CNTN3: variants seen among roughly 807,000 people sequenced by gnomAD.
The protein encoded by CNTN3 is contactin 3.
A neutral mutation model predicts 119.1 loss-of-function variants in CNTN3; 60 were observed. The observed-to-expected ratio is 0.50, with a 90% confidence interval of 0.41 to 0.62. The LOEUF (loss-of-function observed/expected upper bound fraction) is 0.62. Among genes scored for constraint, CNTN3 ranks in the 20% least tolerant of loss-of-function variants. The probability of loss-of-function intolerance (pLI) is 0.00; values close to 1 mark genes in which losing one functional copy is unlikely to be tolerated. For synonymous variants in CNTN3, 450 were observed against 438.7 expected, an observed-to-expected ratio of 1.03 and a Z score of -0.32; for missense variants, 1,101 against 1,242.4, an observed-to-expected ratio of 0.89 and a Z score of 1.71.
At chr3:74,488,778 A>G (rs1284328573) in intron 3 of CNTN3, among the ~76,000 whole-genome samples, 3 of 152,222 alleles carry the variant, frequency 2.0e-5, no homozygotes, top group African/African-American at 7.2e-5. Flanking sequence ...AATAAACTGG[A>G]GGTTCCATTC....
At chr3:74,484,647 A>C (rs964366361) in intron 4 of CNTN3, among the ~76,000 whole-genome samples, 3 of 152,156 alleles carry the variant, frequency 2.0e-5, no homozygotes, top group Non-Finnish European at 4.4e-5. Flanking sequence ...TTAAACTAGA[A>C]AGATGAAGAA....
intron 1 of CNTN3, among the ~76,000 whole-genome samples, chr3:74,594,466 C>A (rs1559672364): frequency 1.3e-5 from 2 of 151,712 alleles, no homozygotes; most frequent in Non-Finnish European, 2.9e-5. Flanking sequence ...ACAACACTCC[C>A]CAGAGTGTGA....
chr3:74,363,941 G>A (rs1704131873), intron 10 of CNTN3, among the ~76,000 whole-genome samples: 1 of 151,976 alleles, frequency 6.6e-6, no homozygotes, highest in Admixed American at 6.6e-5. Context: ...CTTTAAACAT[G>A]ATAGAACATC....
chr3:74,299,527 C>A (rs116697529), intron 17 of CNTN3, among the ~76,000 whole-genome samples: 1 of 152,240 alleles, frequency 6.6e-6, no homozygotes, highest in East Asian at 1.9e-4. Context: ...AACCAGGTGA[C>A]CCTGAGCAAA....
intron 5 of CNTN3, among the ~76,000 whole-genome samples, chr3:74,395,751 A>G (rs961860669): frequency 6.6e-6 from 1 of 152,094 alleles, no homozygotes; most frequent in Non-Finnish European, 1.5e-5. Context: ...TGTGCTTTGC[A>G]GATATTGTGT....
chr3:74,457,495 T>C (rs1007508635), intron 4 of CNTN3, among the ~76,000 whole-genome samples: 1 of 151,968 alleles, frequency 6.6e-6, no homozygotes, highest in Non-Finnish European at 1.5e-5. Context: ...CTCAGCCAGG[T>C]TGAACAAGAG....
chr3:74,595,253 C>T (rs1374048306), intron 1 of CNTN3, among the ~76,000 whole-genome samples: 4 of 151,554 alleles, frequency 2.6e-5, no homozygotes, highest in Non-Finnish European at 5.9e-5. Context: ...TGCCTGTTCA[C>T]TCTGATGGTA....
At chr3:74,507,421 G>GA (rs67370797) in intron 2 of CNTN3, among the ~76,000 whole-genome samples, 132,027 of 139,192 alleles carry the variant, frequency 0.95, 62,677 homozygotes, top group East Asian at 0.99. Flanking sequence ...CCATCTCTAA[G>GA]AAAAAAAAAA....
At chr3:74,462,948 C>A (rs1247813831) in intron 4 of CNTN3, among the ~76,000 whole-genome samples, 1 of 152,144 alleles carries the variant, frequency 6.6e-6, no homozygotes, top group African/African-American at 2.4e-5. Flanking sequence ...TGTGCTTCCA[C>A]AATTTCTTCA....
intron 5 of CNTN3, among the ~76,000 whole-genome samples, chr3:74,407,435 ATTTT>A (rs372596619): frequency 1.5e-5 from 2 of 136,492 alleles, no homozygotes; most frequent in African/African-American, 5.5e-5. Context: ...CGCCTGGCTA[ATTTT>A]TTTTTTTTTT....
chr3:74,276,145 A>G (rs138471843), intron 20 of CNTN3, among the ~76,000 whole-genome samples: 4,324 of 152,232 alleles, frequency 0.028, 207 homozygotes, highest in African/African-American at 0.099. Context: ...AATTTATAAA[A>G]CAATTATTAA....
rs181555002 is a variant in CNTN3 at position 74,435,967 on chromosome 3, G to A, written c.359-11027C>T. ...GTTTTCTTTATAAAACACACTCTCAGTTTCTAACACCTGCTAAAACGCCTA... is the reference window on the plus strand; with the variant it reads ...GTTTTCTTTATAAAACACACTCTCAATTTCTAACACCTGCTAAAACGCCTA... On this transcript the variant is annotated intron_variant, in intron 4 of 22. Coordinates refer to ENST00000263665, the MANE Select transcript of CNTN3 (RefSeq NM_020872.3). Among the ~76,000 whole-genome samples the A allele has an allele frequency of 2.2e-3, 331 of 152,262 alleles. 5 individuals are homozygous for A. The highest frequency in any genetic ancestry group is 1.2e-3 in the Non-Finnish European group (83 of 68,014).
chr3:74,558,719 C>T (rs902217148), intron 1 of CNTN3, among the ~76,000 whole-genome samples: 10 of 152,058 alleles, frequency 6.6e-5, no homozygotes, highest in African/African-American at 2.4e-4. Context: ...CAGTGGTTCA[C>T]ACCTGTAATC....
At chr3:74,449,739 C>T (rs966333136) in intron 4 of CNTN3, among the ~76,000 whole-genome samples, 1 of 152,056 alleles carries the variant, frequency 6.6e-6, no homozygotes, top group South Asian at 2.1e-4. Flanking sequence ...CAGACATTTA[C>T]CAAAAGCCAC....
At chr3:74,604,155 A>G (rs190552167) in intron 1 of CNTN3, among the ~76,000 whole-genome samples, 229 of 152,298 alleles carry the variant, frequency 1.5e-3, no homozygotes, top group Non-Finnish European at 2.1e-3. Flanking sequence ...ATTTACAAAA[A>G]TTAACTCAAA....
chr3:74,366,958 TAAA>T (rs745780157), intron 8 of CNTN3, among the ~76,000 whole-genome samples: 1 of 128,328 alleles, frequency 7.8e-6, no homozygotes, highest in Non-Finnish European at 1.7e-5. Context: ...CCCGAGTTTC[TAAA>T]AAAAAAAAAA....
intron 5 of CNTN3, among the ~76,000 whole-genome samples, chr3:74,379,477 CG>C (rs1704563109): frequency 6.6e-6 from 1 of 152,116 alleles, no homozygotes; most frequent in Admixed American, 6.6e-5. Context: ...CCTGGTGCCA[CG>C]GCTGCTGCTA....
chr3:74,303,264 T>C (rs1702494552), intron 13 of CNTN3, among the ~76,000 whole-genome samples: 1 of 152,150 alleles, frequency 6.6e-6, no homozygotes, highest in Non-Finnish European at 1.5e-5. Flanking sequence ...ATTACCATGG[T>C]TGAAACACTT....
chr3:74,380,403 T>C (rs1193168838), intron 5 of CNTN3, among the ~76,000 whole-genome samples: 1 of 152,222 alleles, frequency 6.6e-6, no homozygotes, highest in African/African-American at 2.4e-5. Flanking sequence ...TTATATTGAA[T>C]AGCAAGCATT....
Sources: allele counts gnomAD v4.1 joint callset (sites outside exome capture counted in the v4.1 genomes callset), GRCh38; gene constraint gnomAD v4.1.1; transcripts MANE v1.5; gene names NCBI Gene and HGNC (gene_info 2026-07-23, HGNC 2026-07-21).